Variants in DYNC1I1 observed in about 807,000 individuals in gnomAD.
DYNC1I1 encodes the protein dynein cytoplasmic 1 intermediate chain 1.
In DYNC1I1, 43 loss-of-function variants were observed where a neutral mutation model predicts 86.6. The ratio of observed to expected loss-of-function variants is 0.50; its 90% confidence interval spans 0.39 to 0.64. The LOEUF is 0.64. Among genes scored for constraint, DYNC1I1 ranks in the 30% least tolerant of loss-of-function variants. The pLI is 0.00. For synonymous variants in DYNC1I1, 262 were observed against 283.7 expected (o/e 0.92, Z 0.77); for missense variants, 604 against 788.8 (o/e 0.77, Z 2.81).
At position 95,866,440 on chromosome 7, in the gene DYNC1I1, G is replaced by A. The variant is rs1323633656; in HGVS notation, c.375-3443G>A. Among the ~76,000 whole-genome samples, 6 of 152,280 alleles carry A rather than the reference G, an allele frequency of 3.9e-5. No homozygotes were observed. In the East Asian group the frequency reaches 1.2e-3, roughly 29 times the overall value. On this transcript the variant is annotated intron_variant, in intron 5 of 16. Transcript: ENST00000447467. The stretch of plus-strand genomic sequence containing the variant: ...TTAAGTATAGTTTCAAAGTTTTTAA[G>A]TACATGGCCCTGGGACTTACTCTTG...
intron 16 of DYNC1I1, among the ~76,000 whole-genome samples, chr7:96,092,801 C>T (rs1333638636): frequency 2.0e-5 from 3 of 152,106 alleles, no homozygotes; most frequent in Non-Finnish European, 4.4e-5. Flanking sequence ...TGCACTTTTG[C>T]TTTTGCTTGT....
rs567510714 is a variant in DYNC1I1, at chr7:95,893,300, T to A, written c.490+23302T>A. 4.3e-4 allele frequency among the ~76,000 whole-genome samples: 65 copies of A among 152,324 alleles called. No individual in the cohort carries two copies. In the South Asian group the frequency reaches 7.9e-3, roughly 18 times the overall value. On this transcript the variant is annotated intron_variant, in intron 6 of 16. Transcript: ENST00000447467. ...TTTCACTAGCACTTGCAGTATGGATTTGTGACTCAAGAAAGTCCTGTTCAT... is the reference window on the plus strand; with the variant it reads ...TTTCACTAGCACTTGCAGTATGGATATGTGACTCAAGAAAGTCCTGTTCAT...
chr7:96,024,168 C>G (rs1794620472), intron 10 of DYNC1I1, among the ~76,000 whole-genome samples: 2 of 152,162 alleles, frequency 1.3e-5, no homozygotes, highest in Non-Finnish European at 2.9e-5. Flanking sequence ...ACCGTAGCCT[C>G]AGGAAAAATT....
intron 4 of DYNC1I1, among the ~76,000 whole-genome samples, chr7:95,813,819 T>G (rs533005807): frequency 1.3e-5 from 2 of 152,280 alleles, no homozygotes; most frequent in East Asian, 3.9e-4. Context: ...CTAAGTATTT[T>G]TATTGTATTA....
At chr7:96,061,743 A>AACAC (rs147856984) in intron 14 of DYNC1I1, among the ~76,000 whole-genome samples, 22 of 131,980 alleles carry the variant, frequency 1.7e-4, no homozygotes, top group South Asian at 1.2e-3. Flanking sequence ...CACGCACACA[A>AACAC]ACACACACAC....
intron 6 of DYNC1I1, among the ~76,000 whole-genome samples, chr7:95,975,698 G>GT (rs1252789763): frequency 4.6e-5 from 7 of 152,154 alleles, no homozygotes; most frequent in African/African-American, 1.7e-4. Context: ...TATCACCTTT[G>GT]TTTTTTGTTG....
intron 5 of DYNC1I1, among the ~76,000 whole-genome samples, chr7:95,830,057 AT>A (rs1795287192): frequency 6.6e-6 from 1 of 152,108 alleles, no homozygotes; most frequent in African/African-American, 2.4e-5. Flanking sequence ...GAGAGATGAC[AT>A]TATTTTAGCC....
intron 14 of DYNC1I1, among the ~76,000 whole-genome samples, chr7:96,058,919 C>G (rs1256308511): frequency 6.7e-6 from 1 of 149,336 alleles, no homozygotes; most frequent in Non-Finnish European, 1.5e-5. Flanking sequence ...GCTAGGATTA[C>G]AGGAGTGAGC....
chr7:95,997,252 G>T (rs970687764), intron 10 of DYNC1I1, among the ~76,000 whole-genome samples: 25 of 151,254 alleles, frequency 1.7e-4, no homozygotes, highest in African/African-American at 5.3e-4. Flanking sequence ...AGCTTGATAT[G>T]CTCCTTCTGT....
chr7:96,061,594 C>T (rs1276200404), intron 14 of DYNC1I1, among the ~76,000 whole-genome samples: 3 of 151,978 alleles, frequency 2.0e-5, no homozygotes, highest in Non-Finnish European at 4.4e-5. Context: ...TCCGAACCCT[C>T]CCACTTCCCA....
rs146768661 is a variant in DYNC1I1, at chr7:95,981,335, C to A, written c.581-3480C>A. On this transcript the variant is annotated intron_variant, in intron 7 of 16. Coordinates refer to ENST00000447467, the MANE Select transcript of DYNC1I1 (RefSeq NM_001135556.2). ...TCAAGAAAACACGGCAAATGAAATACAATCATGCTTGAAAGATTTATTTAA... is the reference window on the plus strand; with the variant it reads ...TCAAGAAAACACGGCAAATGAAATAAAATCATGCTTGAAAGATTTATTTAA... Among the ~76,000 whole-genome samples, 744 of 152,054 alleles carry A rather than the reference C, an allele frequency of 4.9e-3. 10 individuals are homozygous for A. The highest frequency in any genetic ancestry group is 0.017 in the African/African-American group (697 of 41,526).
intron 14 of DYNC1I1, among the ~76,000 whole-genome samples, chr7:96,071,389 A>T (rs73232555): frequency 0.16 from 24,360 of 152,230 alleles, 2,133 homozygotes; most frequent in South Asian, 0.28. Flanking sequence ...GCAGCTTTCC[A>T]TCGTAAGATG....
chr7:96,039,880 A>G (rs148590817), intron 14 of DYNC1I1, among the ~76,000 whole-genome samples: 41 of 151,880 alleles, frequency 2.7e-4, no homozygotes, highest in Non-Finnish European at 4.3e-4. Context: ...TTGGTTGTTT[A>G]TTTTTATTTT....
chr7:96,078,553 C>A (rs967018101), intron 15 of DYNC1I1, among the ~76,000 whole-genome samples: 2 of 151,896 alleles, frequency 1.3e-5, no homozygotes, highest in African/African-American at 4.8e-5. Context: ...TATTGTTTCA[C>A]TTTGTTATAG....
intron 10 of DYNC1I1, among the ~76,000 whole-genome samples, chr7:95,996,331 A>G (rs1166291957): frequency 6.6e-6 from 1 of 152,226 alleles, no homozygotes; most frequent in Non-Finnish European, 1.5e-5. Context: ...GAGTTTATAA[A>G]GACCTCGCAC....
chr7:96,011,408 A>G (rs1794273066), intron 10 of DYNC1I1, among the ~76,000 whole-genome samples: 1 of 152,168 alleles, frequency 6.6e-6, no homozygotes, highest in Non-Finnish European at 1.5e-5. Context: ...TCCCATAGAA[A>G]TTCACGTTCT....
At chr7:95,852,334 A>G (rs1351840508) in intron 5 of DYNC1I1, among the ~76,000 whole-genome samples, 1 of 151,726 alleles carries the variant, frequency 6.6e-6, no homozygotes, top group African/African-American at 2.4e-5. Flanking sequence ...CTTTGTATTT[A>G]TGTTTTACCA....
intron 11 of DYNC1I1, 37 bp from the exon 12 acceptor site, chr7:96,032,630 G>A: frequency 4.0e-6 from 6 of 1,503,684 alleles, no homozygotes; most frequent in Non-Finnish European, 5.5e-6. Context: ...TTTCCTCTTG[G>A]ATCTGTCTCT....
intron 1 of DYNC1I1, among the ~76,000 whole-genome samples, chr7:95,794,313 A>G (rs1035605582): frequency 1.3e-5 from 2 of 152,090 alleles, no homozygotes; most frequent in Non-Finnish European, 2.9e-5. Flanking sequence ...ATACTCTTTC[A>G]AGGATTCTAC....
Sources: allele counts gnomAD v4.1 joint callset (sites outside exome capture counted in the v4.1 genomes callset), GRCh38; gene constraint gnomAD v4.1.1; transcripts MANE v1.5; gene names NCBI Gene and HGNC (gene_info 2026-07-23, HGNC 2026-07-21).